Variants in DLG1 observed in about 807,000 individuals in gnomAD.
The protein encoded by DLG1 is discs large MAGUK scaffold protein 1.
DLG1 carries 42 observed loss-of-function variants against 123.4 expected under a neutral mutation model. That is an observed-to-expected ratio of 0.34 (90% CI 0.27 to 0.44). The LOEUF is 0.44. Ranked by LOEUF, DLG1 falls within the 20% of genes least tolerant of loss-of-function variation. The pLI, the probability that DLG1 is intolerant of heterozygous loss-of-function variation, is 1.00. For synonymous variants in DLG1, 317 were observed against 356.2 expected, an observed-to-expected ratio of 0.89 and a Z score of 1.24; for missense variants, 942 against 1,082.6, an observed-to-expected ratio of 0.87 and a Z score of 1.82.
chr3:197,078,309 C>G (rs1748620918), intron 17 of DLG1, among the ~76,000 whole-genome samples: 1 of 142,242 alleles, frequency 7.0e-6, no homozygotes, highest in Non-Finnish European at 1.5e-5. Flanking sequence ...AGAGTGAGAC[C>G]TTTTCTTTAA....
intron 23 of DLG1, among the ~76,000 whole-genome samples, chr3:197,054,564 G>C (rs1052702189): frequency 6.6e-6 from 1 of 152,038 alleles, no homozygotes; most frequent in Non-Finnish European, 1.5e-5. Flanking sequence ...TTTACCTCCA[G>C]AATTTCCTTT....
intron 4 of DLG1, among the ~76,000 whole-genome samples, chr3:197,209,890 T>G (rs569875194): frequency 6.8e-6 from 1 of 146,738 alleles, no homozygotes; most frequent in East Asian, 2.0e-4. Context: ...ATGTCCTGAT[T>G]GAATTTCCCT....
intron 4 of DLG1, among the ~76,000 whole-genome samples, chr3:197,203,301 G>A (rs755362189): frequency 6.6e-6 from 1 of 152,036 alleles, no homozygotes; most frequent in Non-Finnish European, 1.5e-5. Flanking sequence ...TCTCCATCTC[G>A]TAAAATACTT....
At chr3:197,157,108 A>T (rs1459642763) in intron 5 of DLG1, among the ~76,000 whole-genome samples, 1 of 152,226 alleles carries the variant, frequency 6.6e-6, no homozygotes, top group Non-Finnish European at 1.5e-5. Flanking sequence ...GATAAGGAAG[A>T]AGGCAAGTAT....
intron 24 of DLG1, among the ~76,000 whole-genome samples, chr3:197,046,773 G>A (rs1723454215): frequency 6.6e-6 from 1 of 152,066 alleles, no homozygotes; most frequent in Admixed American, 6.5e-5. Context: ...GGGAGGCTGA[G>A]GTGGGAGGAT....
intron 4 of DLG1, among the ~76,000 whole-genome samples, chr3:197,209,887 G>A (rs1730436925): frequency 6.8e-6 from 1 of 146,518 alleles, no homozygotes; most frequent in African/African-American, 2.4e-5. Flanking sequence ...GGAATGTCCT[G>A]ATTGAATTTC....
chr3:197,141,282 G>C (rs899243139), intron 7 of DLG1, among the ~76,000 whole-genome samples: 6 of 152,056 alleles, frequency 3.9e-5, no homozygotes, highest in Non-Finnish European at 5.9e-5. Context: ...AAATTACTTA[G>C]GTACTCAAGT....
intron 5 of DLG1, among the ~76,000 whole-genome samples, chr3:197,157,030 A>G (rs774611820): frequency 1.3e-5 from 2 of 152,200 alleles, no homozygotes; most frequent in African/African-American, 2.4e-5. Flanking sequence ...ACCTAAGAAA[A>G]ACCATATACA....
At chr3:197,146,851 ACAGG>A (rs1310029749) in intron 6 of DLG1, among the ~76,000 whole-genome samples, 4 of 152,230 alleles carry the variant, frequency 2.6e-5, no homozygotes, top group African/African-American at 9.6e-5. Flanking sequence ...AGCAGAGTTA[ACAGG>A]CAACCTACAG....
intron 5 of DLG1, among the ~76,000 whole-genome samples, chr3:197,178,027 A>G (rs927623332): frequency 5.3e-5 from 8 of 152,142 alleles, no homozygotes; most frequent in Non-Finnish European, 8.8e-5. Context: ...AGCCACTGTC[A>G]CAGAAACTGA....
At chr3:197,207,973 T>C (rs1031997099) in intron 4 of DLG1, among the ~76,000 whole-genome samples, 1 of 143,762 alleles carries the variant, frequency 7.0e-6, no homozygotes, top group Non-Finnish European at 1.6e-5. Flanking sequence ...CGTTAAAAAA[T>C]ACGAAAAAAA....
intron 4 of DLG1, among the ~76,000 whole-genome samples, chr3:197,194,850 G>T (rs1721568902): frequency 6.6e-6 from 1 of 152,022 alleles, no homozygotes; most frequent in Admixed American, 6.6e-5. Context: ...CTTACCCAAT[G>T]TTAACTGAAT....
intron 6 of DLG1, among the ~76,000 whole-genome samples, chr3:197,144,701 A>G (rs1789807117): frequency 2.0e-5 from 3 of 152,136 alleles, no homozygotes. Flanking sequence ...GCCCATCTCT[A>G]CTACCCTTTT....
intron 5 of DLG1, among the ~76,000 whole-genome samples, chr3:197,182,333 A>G (rs1483506276): frequency 5.3e-5 from 8 of 152,296 alleles, no homozygotes; most frequent in East Asian, 3.9e-4. Context: ...TGCCCATTCA[A>G]TAAGTTTTGA....
intron 19 of DLG1, chr3:197,068,637 C>T: frequency 1.4e-6 from 1 of 723,950 alleles, no homozygotes. Flanking sequence ...TCTCCCATGC[C>T]CAAGTCTGTT....
At chr3:197,164,163 G>A (rs1446171195) in intron 5 of DLG1, among the ~76,000 whole-genome samples, 2 of 151,852 alleles carry the variant, frequency 1.3e-5, no homozygotes, top group African/African-American at 2.4e-5. Flanking sequence ...AGGCCGATGC[G>A]GGTGGATCGC....
rs1721052076 is a variant in DLG1 at position 197,042,954 on chromosome 3, G to C, written c.*1669C>G. 4 of 152,146 alleles carry C rather than the reference G, an allele frequency of 2.6e-5. 1 individual carries two copies. In the South Asian group the frequency reaches 8.3e-4, roughly 32 times the overall value. 9.4% of individuals were successfully genotyped at this position (152,146 alleles called of 1,614,324 possible). ...GATTTTACAATACAGTTTATTAGCTGTTCTCCTCTTCTTCATAAATGGAAT... is the reference window on the plus strand; with the variant it reads ...GATTTTACAATACAGTTTATTAGCTCTTCTCCTCTTCTTCATAAATGGAAT... On this transcript the variant is annotated 3_prime_UTR_variant, in exon 25 of 25. Transcript: ENST00000667157.
intron 23 of DLG1, among the ~76,000 whole-genome samples, chr3:197,057,821 CCTT>C (rs1033418305): frequency 2.2e-4 from 34 of 151,958 alleles, no homozygotes; most frequent in African/African-American, 8.2e-4. Context: ...CATTGATATG[CCTT>C]CTTTCTTTTC....
intron 4 of DLG1, among the ~76,000 whole-genome samples, chr3:197,268,722 A>G (rs1368053715): frequency 6.6e-6 from 1 of 152,104 alleles, no homozygotes; most frequent in Non-Finnish European, 1.5e-5. Context: ...TTATAAATTA[A>G]ATTTTTTAAC....
Sources: allele counts gnomAD v4.1 joint callset (sites outside exome capture counted in the v4.1 genomes callset), GRCh38; gene constraint gnomAD v4.1.1; transcripts MANE v1.5; gene names NCBI Gene and HGNC (gene_info 2026-07-23, HGNC 2026-07-21).